Variants in TMEM131L observed in about 807,000 individuals in gnomAD.
TMEM131L encodes transmembrane protein 131-like.
TMEM131L carries 54 observed loss-of-function variants against 192.2 expected under a neutral mutation model. The observed-to-expected ratio is 0.28, with a 90% CI of 0.23 to 0.35. TMEM131L has a LOEUF of 0.35. Among genes scored for constraint, TMEM131L ranks in the 10% least tolerant of loss-of-function variants. TMEM131L has a pLI of 1.00. For synonymous variants in TMEM131L, 701 were observed against 704.9 expected (o/e 0.99, Z 0.09); for missense variants, 1,888 against 1,972.9 (o/e 0.96, Z 0.82).
intron 7 of TMEM131L, among the ~76,000 whole-genome samples, chr4:153,577,532 T>C (rs1385417641): frequency 6.6e-6 from 1 of 152,168 alleles, no homozygotes; most frequent in East Asian, 1.9e-4. Context: ...AAGGCAATAG[T>C]AGACAGTCCA....
intron 7 of TMEM131L, among the ~76,000 whole-genome samples, chr4:153,568,233 G>T (rs1162774156): frequency 1.3e-5 from 2 of 152,130 alleles, no homozygotes; most frequent in African/African-American, 4.8e-5. Flanking sequence ...GGAGGGGCGC[G>T]TCATGAAGAC....
At chr4:153,607,769 G>A (rs748658929) in intron 25 of TMEM131L, among the ~76,000 whole-genome samples, 16 of 152,066 alleles carry the variant, frequency 1.1e-4, no homozygotes, top group Admixed American at 4.6e-4. Context: ...AATGTTCTAG[G>A]GTATGTATGA....
chr4:153,560,600 C>T (rs541793093), intron 7 of TMEM131L, among the ~76,000 whole-genome samples: 1 of 152,324 alleles, frequency 6.6e-6, no homozygotes, highest in Admixed American at 6.5e-5. Context: ...AGAACATTTT[C>T]ATTGCCTCAG....
chr4:153,585,411 G>A, intron 12 of TMEM131L, 47 bp from the exon 13 acceptor site: 1 of 1,591,080 alleles, frequency 6.3e-7, no homozygotes, highest in Non-Finnish European at 8.6e-7. Context: ...AGGGCTGACT[G>A]TTGTCCCACA....
At chr4:153,492,298 G>A (rs1243126293) in intron 3 of TMEM131L, among the ~76,000 whole-genome samples, 2 of 152,160 alleles carry the variant, frequency 1.3e-5, no homozygotes, top group African/African-American at 4.8e-5. Context: ...ACCGGCATGA[G>A]CCACTGCACA....
intron 7 of TMEM131L, among the ~76,000 whole-genome samples, chr4:153,564,928 C>G (rs1729094007): frequency 6.6e-6 from 1 of 152,248 alleles, no homozygotes; most frequent in Non-Finnish European, 1.5e-5. Context: ...TTTCTGAACT[C>G]TGGCCTCACA....
At chr4:153,500,078 C>T (rs754706366) in intron 3 of TMEM131L, among the ~76,000 whole-genome samples, 2 of 151,932 alleles carry the variant, frequency 1.3e-5, no homozygotes, top group Non-Finnish European at 2.9e-5. Flanking sequence ...GTTCCCTTCC[C>T]TCTGTCCCAT....
At chr4:153,469,314 G>GACACACACACACACACACACACACACAC (rs201245535) in intron 2 of TMEM131L, among the ~76,000 whole-genome samples, 4 of 148,814 alleles carry the variant, frequency 2.7e-5, no homozygotes, top group African/African-American at 1.0e-4. Context: ...GGGTAAGGGA[G>GACACACACACACACACACACACACACAC]ACACACACAC....
chr4:153,550,016 T>G (rs1436645563), intron 3 of TMEM131L, 57 bp from the exon 4 acceptor site: 1 of 815,874 alleles, frequency 1.2e-6, no homozygotes, highest in Non-Finnish European at 1.9e-6. Context: ...GTACGTTATA[T>G]CTCAGCATTT....
At chr4:153,631,211 A>G (rs1734187040) in intron 31 of TMEM131L, among the ~76,000 whole-genome samples, 1 of 152,238 alleles carries the variant, frequency 6.6e-6, no homozygotes, top group Non-Finnish European at 1.5e-5. Context: ...TCCAGCCATC[A>G]GTGAGCCAGG....
rs145516502 is a variant in TMEM131L, at chr4:153,575,173, C to A, written c.661-5653C>A. Among the ~76,000 whole-genome samples the A allele has an allele frequency of 3.9e-3, 590 of 152,224 alleles. 14 individuals carry two copies. The highest frequency in any genetic ancestry group is 0.032 in the Admixed American group (496 of 15,294). ...ATCAGAATGACTTAATACTTTAAGT[C>A]TGTTATTTCCTTTCCTGTTTAATTG... On this transcript the variant is annotated intron_variant, in intron 7 of 34. Transcript: ENST00000409959.
intron 3 of TMEM131L, among the ~76,000 whole-genome samples, chr4:153,548,745 C>G (rs2150393455): frequency 6.6e-6 from 1 of 152,244 alleles, no homozygotes; most frequent in Admixed American, 6.5e-5. Context: ...CAACTAGATT[C>G]TTCCTGTGAG....
rs183999391 is a variant in TMEM131L, at chr4:153,478,630, G to T, written c.239+4742G>T. ...TTTTGGAGGCAAGTCATTAAGTGAA[G>T]TTGAGCTTCACCGACACAAATTATA... On this transcript the variant is annotated intron_variant, in intron 3 of 34. Transcript: ENST00000409959. 3.4e-3 allele frequency among the ~76,000 whole-genome samples: 525 copies of T among 152,270 alleles called. 10 individuals carry two copies. The highest frequency in any genetic ancestry group is 1.1e-3 in the Non-Finnish European group (77 of 68,026).
At chr4:153,599,317 G>C (rs10023475) in intron 21 of TMEM131L, among the ~76,000 whole-genome samples, 44,916 of 151,962 alleles carry the variant, frequency 0.3, 6,962 homozygotes, top group Non-Finnish European at 0.36. Context: ...AGAGACCACC[G>C]CCATGATCCA....
chr4:153,610,523 T>C (rs1384083162), intron 25 of TMEM131L, among the ~76,000 whole-genome samples: 1 of 152,242 alleles, frequency 6.6e-6, no homozygotes, highest in Non-Finnish European at 1.5e-5. Context: ...TATGTCCTGG[T>C]TGTACTTAAA....
intron 33 of TMEM131L, 27 bp from the exon 34 acceptor site, chr4:153,635,405 A>G (rs896079694): frequency 6.2e-6 from 10 of 1,610,290 alleles, no homozygotes; most frequent in Middle Eastern, 1.6e-4. Context: ...ATGTTTACCT[A>G]TGATGATATT....
Position 153,578,805 on chromosome 4 carries a change from C to T in TMEM131L, c.661-2021C>T, listed in dbSNP as rs574413343. Among the ~76,000 whole-genome samples, 20 of 152,036 alleles carry T rather than the reference C, an allele frequency of 1.3e-4. No individual in the cohort carries two copies. In the East Asian group the frequency reaches 2.9e-3, roughly 22 times the overall value. On this transcript the variant is annotated intron_variant, in intron 7 of 34. Coordinates refer to ENST00000409959, the MANE Select transcript of TMEM131L (RefSeq NM_001131007.2). ...AAAGTGCTGAGATTACAGGCGTGAG[C>T]CACAATGCCTGGCCATTTTTTTTTG...
chr4:153,608,951 G>A (rs75463115), intron 25 of TMEM131L, among the ~76,000 whole-genome samples: 1 of 152,198 alleles, frequency 6.6e-6, no homozygotes, highest in East Asian at 1.9e-4. Flanking sequence ...CCACCGTGAA[G>A]GGCATTAACA....
chr4:153,556,674 A>G (rs1243209303), intron 5 of TMEM131L, among the ~76,000 whole-genome samples: 1 of 152,202 alleles, frequency 6.6e-6, no homozygotes, highest in Non-Finnish European at 1.5e-5. Flanking sequence ...TGTGTTAGCT[A>G]AAGACAGTTG....
Sources: gnomAD v4.1 joint callset for allele counts (sites outside exome capture counted in the v4.1 genomes callset) on GRCh38, gnomAD v4.1.1 for gene constraint, MANE v1.5 for transcripts, NCBI Gene and HGNC (gene_info 2026-07-23, HGNC 2026-07-21) for gene names.